RBMS3: variants seen among roughly 807,000 people sequenced by gnomAD.
The protein encoded by RBMS3 is RNA-binding motif, single-stranded-interacting protein 3.
Under a neutral mutation model 66.8 loss-of-function variants are expected in RBMS3, and 27 were observed. The observed-to-expected ratio is 0.40, with a 90% confidence interval of 0.30 to 0.56. The LOEUF is 0.56. Among genes scored for constraint, RBMS3 ranks in the 20% least tolerant of loss-of-function variants. RBMS3 has a pLI of 0.40. For missense variants in RBMS3, 513 were observed against 549.5 expected (o/e 0.93, Z 0.66); for synonymous variants, 188 against 183.0 (o/e 1.03, Z -0.22).
chr3:29,798,936 T>G (rs1162802322), intron 6 of RBMS3, among the ~76,000 whole-genome samples: 2 of 151,540 alleles, frequency 1.3e-5, no homozygotes, highest in Non-Finnish European at 2.9e-5. Flanking sequence ...CTGGTTTTTT[T>G]TTTTTTTTTT....
intron 7 of RBMS3, among the ~76,000 whole-genome samples, chr3:29,877,790 A>G (rs911310292): frequency 7.9e-5 from 12 of 152,172 alleles, no homozygotes; most frequent in African/African-American, 2.7e-4. Flanking sequence ...TGAAGGTCAG[A>G]AGGTGATCTG....
At chr3:29,297,407 T>C (rs2033348581) in intron 1 of RBMS3, among the ~76,000 whole-genome samples, 1 of 151,870 alleles carries the variant, frequency 6.6e-6, no homozygotes, top group African/African-American at 2.4e-5. Context: ...TGGAATTGAC[T>C]TGATACGTGA....
At chr3:29,958,198 A>AT (rs367742369) in intron 12 of RBMS3, among the ~76,000 whole-genome samples, 14 of 152,056 alleles carry the variant, frequency 9.2e-5, no homozygotes, top group East Asian at 1.9e-4. Flanking sequence ...GTTTTGTCCT[A>AT]TTTTTTTCCT....
intron 2 of RBMS3, among the ~76,000 whole-genome samples, chr3:29,439,606 T>TTTATTTATTTAC (rs1553603348): frequency 1.3e-5 from 2 of 151,376 alleles, no homozygotes; most frequent in African/African-American, 4.9e-5. Context: ...TATTTATTTA[T>TTTATTTATTTAC]TTATTTTTAT....
chr3:29,355,736 A>G (rs2037187772), intron 1 of RBMS3, among the ~76,000 whole-genome samples: 1 of 152,178 alleles, frequency 6.6e-6, no homozygotes, highest in African/African-American at 2.4e-5. Context: ...CATTGAGTGT[A>G]TAGTACTTCC....
chr3:29,590,708 GTC>G (rs918927120), intron 4 of RBMS3, among the ~76,000 whole-genome samples: 2 of 152,100 alleles, frequency 1.3e-5, no homozygotes, highest in African/African-American at 2.4e-5. Flanking sequence ...AGGAATATGT[GTC>G]TCTATAAGCA....
chr3:29,875,386 A>G (rs529501996), intron 7 of RBMS3, among the ~76,000 whole-genome samples: 9 of 152,288 alleles, frequency 5.9e-5, no homozygotes, highest in Admixed American at 3.9e-4. Flanking sequence ...ATCCTACTTA[A>G]CCATGTTATG....
At chr3:29,640,120 G>C (rs1028602498) in intron 4 of RBMS3, among the ~76,000 whole-genome samples, 2 of 151,802 alleles carry the variant, frequency 1.3e-5, no homozygotes, top group Non-Finnish European at 2.9e-5. Flanking sequence ...AGGAATGCTA[G>C]CAAATCAGAA....
intron 6 of RBMS3, among the ~76,000 whole-genome samples, chr3:29,816,855 A>G (rs9310921): frequency 0.054 from 8,191 of 152,006 alleles, 275 homozygotes; most frequent in Admixed American, 0.088. Flanking sequence ...ACTTTGGGAG[A>G]CCCAGGAGGG....
At chr3:29,699,214 A>T (rs951956598) in intron 4 of RBMS3, among the ~76,000 whole-genome samples, 1 of 152,148 alleles carries the variant, frequency 6.6e-6, no homozygotes, top group Non-Finnish European at 1.5e-5. Flanking sequence ...GCAGTGTCAC[A>T]ATCTCAGCTC....
At chr3:29,683,067 CG>C (rs1307944495) in intron 4 of RBMS3, among the ~76,000 whole-genome samples, 3 of 152,038 alleles carry the variant, frequency 2.0e-5, no homozygotes, top group Non-Finnish European at 4.4e-5. Context: ...CTTAGTGTGT[CG>C]GGGGCAGAAT....
intron 1 of RBMS3, among the ~76,000 whole-genome samples, chr3:29,364,576 T>A (rs2037789937): frequency 2.6e-5 from 4 of 152,162 alleles, no homozygotes; most frequent in African/African-American, 9.7e-5. Flanking sequence ...CAGCAAAACA[T>A]CATAGATAGT....
intron 1 of RBMS3, among the ~76,000 whole-genome samples, chr3:29,331,610 C>A (rs1385875818): frequency 6.6e-6 from 1 of 152,066 alleles, no homozygotes; most frequent in Non-Finnish European, 1.5e-5. Context: ...ATTCCTTTTT[C>A]TGTGATCCAT....
intron 14 of RBMS3, among the ~76,000 whole-genome samples, chr3:29,992,795 A>G (rs1020554504): frequency 8.0e-6 from 1 of 125,154 alleles, no homozygotes; most frequent in Non-Finnish European, 1.9e-5. Flanking sequence ...ATAAGATCAA[A>G]TGTAGGGGAT....
chr3:29,842,834 A>G (rs2058694122), intron 6 of RBMS3, among the ~76,000 whole-genome samples: 2 of 152,252 alleles, frequency 1.3e-5, no homozygotes, highest in South Asian at 2.1e-4. Flanking sequence ...GCTGCAAGCC[A>G]ATGAATGTAA....
intron 2 of RBMS3, among the ~76,000 whole-genome samples, chr3:29,446,674 T>G (rs2125750542): frequency 6.6e-6 from 1 of 152,270 alleles, no homozygotes; most frequent in Admixed American, 6.5e-5. Flanking sequence ...AGGGAAGTTT[T>G]TGAACCAAAA....
At chr3:29,389,888 T>C (rs1022599974) in intron 1 of RBMS3, among the ~76,000 whole-genome samples, 1 of 152,074 alleles carries the variant, frequency 6.6e-6, no homozygotes, top group Non-Finnish European at 1.5e-5. Flanking sequence ...AATTGCTTCA[T>C]AGAGGTAGAA....
At chr3:29,376,890 C>T (rs2038500593) in intron 1 of RBMS3, among the ~76,000 whole-genome samples, 1 of 150,772 alleles carries the variant, frequency 6.6e-6, no homozygotes, top group Non-Finnish European at 1.5e-5. Context: ...GGTGACAGAG[C>T]GAGACTACGT....
chr3:29,521,213 G>A (rs548235354), intron 3 of RBMS3, among the ~76,000 whole-genome samples: 1 of 152,070 alleles, frequency 6.6e-6, no homozygotes, highest in South Asian at 2.1e-4. Context: ...TGATGGCAAA[G>A]TTGTTCACTG....
Sources: gnomAD v4.1 joint callset for allele counts (sites outside exome capture counted in the v4.1 genomes callset) on GRCh38, gnomAD v4.1.1 for gene constraint, MANE v1.5 for transcripts, NCBI Gene and HGNC (gene_info 2026-07-23, HGNC 2026-07-21) for gene names.